Variants in AK2 observed in about 807,000 individuals in gnomAD.
The protein encoded by AK2 is adenylate kinase 2.
In AK2, 15 loss-of-function variants were observed where a neutral mutation model predicts 24.6. The observed-to-expected ratio is 0.61, with a 90% confidence interval of 0.41 to 0.94. The LOEUF is 0.94. Ranked by LOEUF, AK2 falls within the 40% of genes least tolerant of loss-of-function variation. The pLI is 0.00. For missense variants in AK2, 257 were observed against 304.1 expected, an observed-to-expected ratio of 0.85 and a Z score of 1.15; for synonymous variants, 102 against 114.0, an observed-to-expected ratio of 0.90 and a Z score of 0.67.
chr1:33,013,484 G>A, intron 5 of AK2, 82 bp from the exon 6 acceptor site: 2 of 1,552,160 alleles, frequency 1.3e-6, no homozygotes, highest in South Asian at 2.4e-5. Context: ...ATTTGAGATG[G>A]GACCATTCTG....
chr1:33,014,496 A>G, intron 5 of AK2, 26 bp downstream of exon 5: 1 of 1,596,678 alleles, frequency 6.3e-7, no homozygotes, highest in Non-Finnish European at 8.6e-7. Flanking sequence ...AAAGAAAAGG[A>G]AATTTTTTGT....
rs138577419 is a variant in AK2 at position 33,036,780 on chromosome 1, G to A, written c.49C>T (p.Arg17Trp). 3 of 1,599,824 alleles carry A rather than the reference G, an allele frequency of 1.9e-6. No individual in the cohort carries two copies. Among genetic ancestry groups the A allele is most frequent in the South Asian group, 1.1e-5 (1 of 88,776 alleles). Residue 17 changes from arginine (R) to tryptophan (W), a missense_variant, in exon 1 of 6, where the codon CGG (arginine) becomes TGG (tryptophan). Arg to Trp is a moderately radical substitution (Grantham distance 101). Transcript: ENST00000672715. ...CCGGGAGGCCCCAGCAGCACGGCCC[G>A]GATGCCTTTAGGATACTCGGGTTCT... is the stretch of plus-strand genomic sequence containing the variant. ...AAEPEYPKGIRAVLLGPPGAG... is the reference protein window; with the variant it reads ...AAEPEYPKGIWAVLLGPPGAG...
Position 33,008,566 on chromosome 1 carries a change from A to C in AK2, c.*4615T>G, listed in dbSNP as rs1009248944. The C allele has an allele frequency of 1.8e-5, 8 of 453,934 alleles. No homozygotes were observed. Among genetic ancestry groups the C allele is most frequent in the African/African-American group, 6.0e-5 (3 of 49,992 alleles). The allele number at this position is 453,934 out of a possible 1,614,324, so 28.1% of individuals were successfully genotyped here. ...GTGTGCAGAGCTACGCAAGTAATTA[A>C]ATCACTTCAGCAACAAGATCAAGGG... is the stretch of plus-strand genomic sequence containing the variant. On this transcript the variant is annotated 3_prime_UTR_variant, in exon 6 of 6. Coordinates refer to ENST00000672715, the MANE Select transcript of AK2 (RefSeq NM_001625.4).
In AK2 at chr1:33,016,536, G is replaced by C. The variant is rs562650635; in HGVS notation, c.426-1942C>G. ...TATTTATTTTATTTTTTGAGACATG[G>C]TCTTGCTCTGTTGTCCAGGCTGGAG... On this transcript the variant is annotated intron_variant, in intron 4 of 5. Transcript: ENST00000672715. 5.3e-3 allele frequency among the ~76,000 whole-genome samples: 810 copies of C among 151,912 alleles called. 3 individuals carry two copies. The highest frequency in any genetic ancestry group is 9.1e-3 in the Non-Finnish European group (615 of 67,942).
chr1:33,027,201 C>T (rs1406352911), intron 1 of AK2, among the ~76,000 whole-genome samples: 4 of 152,212 alleles, frequency 2.6e-5, no homozygotes, highest in Admixed American at 6.5e-5. Flanking sequence ...ACCAGGCTGG[C>T]ACTGTGGCCG....
At chr1:33,035,637 A>G (rs1161890381) in intron 1 of AK2, among the ~76,000 whole-genome samples, 2 of 152,190 alleles carry the variant, frequency 1.3e-5, no homozygotes, top group Non-Finnish European at 2.9e-5. Flanking sequence ...GCGGGCTTCC[A>G]AATCCGAAAT....
chr1:33,021,349 C>T lies in AK2; in HGVS notation c.425+18G>A. On this transcript the variant is annotated intron_variant, in intron 4 of 5. Coordinates refer to ENST00000672715, the MANE Select transcript of AK2 (RefSeq NM_001625.4). ...AAGCTCTGAGAAGCATGAAAAGGGA[C>T]CTTCAAGGGACAAATACCTTCCTGT... is the stretch of plus-strand genomic sequence containing the variant. 6.2e-7 allele frequency: 1 copy of T among 1,607,570 alleles called. No homozygotes were observed. Among genetic ancestry groups the T allele is most frequent in the Non-Finnish European group, 8.5e-7 (1 of 1,174,544 alleles).
intron 1 of AK2, among the ~76,000 whole-genome samples, chr1:33,026,874 C>T (rs936539896): frequency 2.6e-5 from 4 of 151,936 alleles, no homozygotes; most frequent in African/African-American, 4.8e-5. Context: ...ACCTGTAATC[C>T]CAGCACTTTG....
rs764503773 is a variant in AK2 at position 33,009,463 on chromosome 1, C to T, written c.*3718G>A. 2.2e-6 allele frequency: 1 copy of T among 454,126 alleles called. No individual in the cohort carries two copies. Among genetic ancestry groups the T allele is most frequent in the South Asian group, 1.6e-5 (1 of 64,480 alleles). The allele number at this position is 454,126 out of a possible 1,614,324, so 28.1% of individuals were successfully genotyped here. ...AAGTGTCCATTCAACAGTTATCCAG[C>T]CTGGCAGGAAGCAGATATCTTTCTG... is the stretch of plus-strand genomic sequence containing the variant. On this transcript the variant is annotated 3_prime_UTR_variant, in exon 6 of 6. Coordinates refer to ENST00000672715, the MANE Select transcript of AK2 (RefSeq NM_001625.4).
rs756709110 is a variant in AK2 at position 33,008,103 on chromosome 1, T to C, written c.*5078A>G. On this transcript the variant is annotated 3_prime_UTR_variant, in exon 6 of 6. Transcript: ENST00000672715. ...AGGGGATCCTTAGCCTGGTTCCGGA[T>C]GGTCAGTAAGACAACTTTCTTCAAT... The C allele has an allele frequency of 6.6e-6, 3 of 454,160 alleles. No homozygotes were observed. The highest frequency in any genetic ancestry group is 4.7e-5 in the South Asian group (3 of 64,478). The allele number at this position is 454,160 out of a possible 1,614,324, so 28.1% of individuals were successfully genotyped here.
At chr1:33,024,690 C>T in intron 1 of AK2, 123 bp from the exon 2 acceptor site, 3 of 1,208,380 alleles carry the variant, frequency 2.5e-6, no homozygotes, top group South Asian at 1.3e-5. Flanking sequence ...TGCCTACTTC[C>T]TTACCTGTAA....
At chr1:33,028,016 C>T (rs1361718437) in intron 1 of AK2, among the ~76,000 whole-genome samples, 4 of 152,108 alleles carry the variant, frequency 2.6e-5, no homozygotes, top group Non-Finnish European at 5.9e-5. Context: ...AATAAAGTAC[C>T]AAAAACATCA....
Position 33,024,544 on chromosome 1 carries a change from G to A in AK2, c.117C>T (p.Phe39=), listed in dbSNP as rs764509277. The A allele has an allele frequency of 1.1e-5, 18 of 1,614,030 alleles. No individual in the cohort carries two copies. The highest frequency in any genetic ancestry group is 3.4e-6 in the Non-Finnish European group (4 of 1,180,016). Residue 39 remains phenylalanine (F), a synonymous_variant, in exon 2 of 6, where the codon TTC becomes TTT. Transcript: ENST00000672715. ...GTQAPRLAEN[F]CVCHLATGDM... ...CCCCAGTAGCTAAATGGCAGACACAGAAGTTTTCAGCCAATCTGGGTGCCT... is the reference window on the plus strand; with the variant it reads ...CCCCAGTAGCTAAATGGCAGACACAAAAGTTTTCAGCCAATCTGGGTGCCT...
chr1:33,009,171 A>G lies in AK2; in HGVS notation c.*4010T>C. 2.2e-6 allele frequency: 1 copy of G among 452,660 alleles called. No homozygotes were observed. Among genetic ancestry groups the G allele is most frequent in the Non-Finnish European group, 4.4e-6 (1 of 226,068 alleles). 28.0% of individuals were successfully genotyped at this position (452,660 alleles called of 1,614,324 possible). ...TGCCTCTCTCTGTAACAAGATGCCT[A>G]AAGAAGAATAGTGGTGCTTCCAGCC... On this transcript the variant is annotated 3_prime_UTR_variant, in exon 6 of 6. Coordinates refer to ENST00000672715, the MANE Select transcript of AK2 (RefSeq NM_001625.4).
In AK2 at chr1:33,036,007, A is replaced by C. The variant is rs1454649162; in HGVS notation, c.93+729T>G. ...AAAATTCAAGTTCCTTTTCATCTAAAATCATTTGCGTCATCCCAAGCTGCT... is the reference window on the plus strand; with the variant it reads ...AAAATTCAAGTTCCTTTTCATCTAACATCATTTGCGTCATCCCAAGCTGCT... On this transcript the variant is annotated intron_variant, in intron 1 of 5. Coordinates refer to ENST00000672715, the MANE Select transcript of AK2 (RefSeq NM_001625.4). Among the ~76,000 whole-genome samples, 3 of 152,172 alleles carry C rather than the reference A, an allele frequency of 2.0e-5. 1 individual carries two copies. The highest frequency in any genetic ancestry group is 1.5e-5 in the Non-Finnish European group (1 of 68,030).
At position 33,008,064 on chromosome 1, in the gene AK2, G is replaced by A. The variant is rs1638584862; in HGVS notation, c.*5117C>T. The A allele has an allele frequency of 2.2e-6, 1 of 454,070 alleles. No homozygotes were observed. Among genetic ancestry groups the A allele is most frequent in the Non-Finnish European group, 4.4e-6 (1 of 226,794 alleles). 28.1% of individuals were successfully genotyped at this position (454,070 alleles called of 1,614,324 possible). ...AAAGAATTCTGCATATAATTTCAGA[G>A]GTCTATGATTTCTAGGGGATCCTTA... On this transcript the variant is annotated 3_prime_UTR_variant, in exon 6 of 6. Coordinates refer to ENST00000672715, the MANE Select transcript of AK2 (RefSeq NM_001625.4).
In AK2 at chr1:33,021,664, A is replaced by G; in HGVS notation, c.259T>C (p.Leu87=). The change falls in exon 3 of 6, where the codon TTG becomes CTG. Residue 87 remains leucine, a synonymous_variant. Transcript: ENST00000672715. ...CCATTTTTGCACAAGGGGGTCTCCA[A>G]ATTCTTCTCAATGAGCTCCACTACC... ...EMVVELIEKN[L]ETPLCKNGFL... is the part of the protein sequence containing the mutation. 6.2e-7 allele frequency: 1 copy of G among 1,614,134 alleles called. No homozygotes were observed. The highest frequency in any genetic ancestry group is 8.5e-7 in the Non-Finnish European group (1 of 1,179,964).
At position 33,012,308 on chromosome 1, in the gene AK2, G is replaced by A; in HGVS notation, c.*873C>T. On this transcript the variant is annotated 3_prime_UTR_variant, in exon 6 of 6. Coordinates refer to ENST00000672715, the MANE Select transcript of AK2 (RefSeq NM_001625.4). ...ACGATATCCTCTCCCAGTAATTTCT[G>A]TAACCTGCAAAGTAAGTGCCTTTTT... The A allele has an allele frequency of 6.5e-7, 1 of 1,532,762 alleles. No individual in the cohort carries two copies. The highest frequency in any genetic ancestry group is 8.7e-7 in the Non-Finnish European group (1 of 1,146,146). The allele number at this position is 1,532,762 out of a possible 1,614,324, so 94.9% of individuals were successfully genotyped here. A position where few individuals can be genotyped will look rare whatever the true frequency, so the allele number is the denominator to read the frequency against.
At chr1:33,035,693 G>A (rs1640535520) in intron 1 of AK2, among the ~76,000 whole-genome samples, 1 of 152,124 alleles carries the variant, frequency 6.6e-6, no homozygotes, top group Non-Finnish European at 1.5e-5. Flanking sequence ...TTATGTCCCA[G>A]ATCTAGAAGG....
Sources: allele counts gnomAD v4.1 joint callset (sites outside exome capture counted in the v4.1 genomes callset), GRCh38; gene constraint gnomAD v4.1.1; transcripts MANE v1.5; gene names NCBI Gene and HGNC (gene_info 2026-07-23, HGNC 2026-07-21).